ARHGAP26: variants seen among roughly 807,000 people sequenced by gnomAD.
The protein encoded by ARHGAP26 is Rho GTPase activating protein 26.
A neutral mutation model predicts 104.8 loss-of-function variants in ARHGAP26; 38 were observed. That is an observed-to-expected ratio of 0.36 (90% confidence interval 0.28 to 0.48). The LOEUF is 0.48. ARHGAP26 is among the 20% of genes least tolerant of loss of function. ARHGAP26 has a pLI of 0.99. For synonymous variants in ARHGAP26, 341 were observed against 340.0 expected (o/e 1.00, Z -0.03); for missense variants, 704 against 947.9 (o/e 0.74, Z 3.38).
rs246607 is a variant in ARHGAP26 at position 143,134,121 on chromosome 5, A to G, written c.1837+16A>G. The G allele has an allele frequency of 0.58, 928,795 of 1,599,956 alleles. 273,381 individuals carry two copies. Among genetic ancestry groups the G allele is most frequent in the Middle Eastern group, 0.62 (3,754 of 6,008 alleles). ...ACAGAGAAACGTGAGTCTTTGCTGC[A>G]TAGGGCCAGCGTGGCATTCAGGGAC... On this transcript the variant is annotated intron_variant, in intron 19 of 22. Coordinates refer to ENST00000645722, the MANE Select transcript of ARHGAP26 (RefSeq NM_001135608.3).
At chr5:143,090,718 G>A (rs541465194) in intron 17 of ARHGAP26, among the ~76,000 whole-genome samples, 6 of 152,324 alleles carry the variant, frequency 3.9e-5, no homozygotes, top group African/African-American at 1.2e-4. Context: ...TAAAATGAAT[G>A]TATGGTTTTA....
intron 12 of ARHGAP26, among the ~76,000 whole-genome samples, chr5:143,017,007 CCTT>C (rs766697988): frequency 3.7e-4 from 57 of 152,328 alleles, no homozygotes; most frequent in African/African-American, 9.9e-4. Context: ...CTGCAACACT[CCTT>C]CTGTTTATGA....
chr5:142,840,907 G>A (rs1187228926), intron 1 of ARHGAP26, among the ~76,000 whole-genome samples: 2 of 152,182 alleles, frequency 1.3e-5, no homozygotes, highest in African/African-American at 2.4e-5. Context: ...AAAGGAAGTA[G>A]TACTTTCACA....
chr5:142,819,995 C>T (rs1372852403), intron 1 of ARHGAP26, among the ~76,000 whole-genome samples: 1 of 152,018 alleles, frequency 6.6e-6, no homozygotes, highest in Non-Finnish European at 1.5e-5. Context: ...ACCGGTCTGC[C>T]GTTGTTTGTG....
At chr5:142,775,051 A>C (rs1446190109) in intron 1 of ARHGAP26, among the ~76,000 whole-genome samples, 1 of 152,160 alleles carries the variant, frequency 6.6e-6, no homozygotes, top group Non-Finnish European at 1.5e-5. Context: ...ATTTGCGTGC[A>C]GTTTATATGT....
chr5:143,011,305 T>TTTA (rs1382912391), intron 11 of ARHGAP26, among the ~76,000 whole-genome samples: 1 of 141,244 alleles, frequency 7.1e-6, no homozygotes, highest in African/African-American at 2.7e-5. Context: ...AACCCCCGCT[T>TTTA]TTTTTTTTTT....
At chr5:143,154,160 T>TA (rs10650559) in intron 20 of ARHGAP26, among the ~76,000 whole-genome samples, 103 of 142,506 alleles carry the variant, frequency 7.2e-4, no homozygotes, top group Middle Eastern at 3.6e-3. Flanking sequence ...TTAAAAATAT[T>TA]AAAAAAAAAA....
intron 17 of ARHGAP26, among the ~76,000 whole-genome samples, chr5:143,097,411 C>T (rs1465089840): frequency 7.2e-6 from 1 of 138,872 alleles, no homozygotes; most frequent in East Asian, 2.1e-4. Flanking sequence ...AAGTACAAAT[C>T]AGAGGGAAAT....
chr5:143,131,742 A>C (rs891293739), intron 18 of ARHGAP26, among the ~76,000 whole-genome samples: 1 of 152,224 alleles, frequency 6.6e-6, no homozygotes, highest in Non-Finnish European at 1.5e-5. Context: ...GTTGGCCTCC[A>C]GCTTAGAGAT....
intron 14 of ARHGAP26, among the ~76,000 whole-genome samples, chr5:143,046,947 G>A (rs1391612964): frequency 6.6e-6 from 1 of 152,120 alleles, no homozygotes; most frequent in African/African-American, 2.4e-5. Flanking sequence ...GTTAAATTTA[G>A]TATAGTATAG....
chr5:142,786,560 A>T (rs1448070844), intron 1 of ARHGAP26, among the ~76,000 whole-genome samples: 3 of 151,832 alleles, frequency 2.0e-5, no homozygotes, highest in Non-Finnish European at 4.4e-5. Flanking sequence ...TAGCCTCCTG[A>T]GTAGCTGGGA....
intron 11 of ARHGAP26, among the ~76,000 whole-genome samples, chr5:142,967,564 G>A (rs529163954): frequency 1.5e-4 from 23 of 152,286 alleles, no homozygotes; most frequent in Admixed American, 1.2e-3. Flanking sequence ...GGTGGATCAC[G>A]AGGTCAGGAG....
intron 10 of ARHGAP26, among the ~76,000 whole-genome samples, chr5:142,931,561 T>C (rs1165407812): frequency 6.6e-6 from 1 of 152,198 alleles, no homozygotes; most frequent in African/African-American, 2.4e-5. Context: ...AACTTCTCCA[T>C]GTCTGAAGCA....
chr5:143,215,003 G>T (rs1810120165), intron 22 of ARHGAP26, among the ~76,000 whole-genome samples: 1 of 152,206 alleles, frequency 6.6e-6, no homozygotes, highest in Admixed American at 6.5e-5. Context: ...GTGCTTGCAG[G>T]CCCCAGCAGA....
At chr5:143,103,994 CCTG>C (rs1209833308) in intron 17 of ARHGAP26, among the ~76,000 whole-genome samples, 2 of 150,754 alleles carry the variant, frequency 1.3e-5, no homozygotes, top group East Asian at 1.9e-4. Context: ...AAAAGGAGAT[CCTG>C]CTATTTGTTA....
chr5:143,105,788 T>C (rs1793928055), intron 17 of ARHGAP26, among the ~76,000 whole-genome samples: 2 of 152,228 alleles, frequency 1.3e-5, no homozygotes, highest in Non-Finnish European at 2.9e-5. Context: ...CTGAAGAACA[T>C]GTAGCTGCAC....
At chr5:143,004,977 G>A (rs1053932297) in intron 11 of ARHGAP26, among the ~76,000 whole-genome samples, 1 of 152,124 alleles carries the variant, frequency 6.6e-6, no homozygotes, top group African/African-American at 2.4e-5. Context: ...TAGAAGGAAT[G>A]GGAAATTCAA....
rs893850475 is a variant in ARHGAP26, at chr5:142,854,714, C to T, written c.155-18686C>T. Among the ~76,000 whole-genome samples, 5 of 152,240 alleles carry T rather than the reference C, an allele frequency of 3.3e-5. No homozygotes were observed. The South Asian group carries it at 6.2e-4, about 19-fold the overall frequency. On this transcript the variant is annotated intron_variant, in intron 1 of 22. Coordinates refer to ENST00000645722, the MANE Select transcript of ARHGAP26 (RefSeq NM_001135608.3). Reference sequence around the variant, plus strand: ...TTTAACTTCGTTACTGATATGAGACCGAGTAGACCCTGGAAATGCAGGGAA... The same window carrying T: ...TTTAACTTCGTTACTGATATGAGACTGAGTAGACCCTGGAAATGCAGGGAA...
chr5:143,085,645 T>A (rs1477792694), intron 17 of ARHGAP26, among the ~76,000 whole-genome samples: 1 of 152,246 alleles, frequency 6.6e-6, no homozygotes, highest in Non-Finnish European at 1.5e-5. Context: ...ATGCTGTCCC[T>A]GTCCCAGACT....
Sources: allele counts gnomAD v4.1 joint callset (sites outside exome capture counted in the v4.1 genomes callset), GRCh38; gene constraint gnomAD v4.1.1; transcripts MANE v1.5; gene names NCBI Gene and HGNC (gene_info 2026-07-23, HGNC 2026-07-21).